The following DIS3L2 variants were observed in gnomAD, a reference collection of about 807,000 sequenced individuals.
DIS3L2 encodes DIS3 like 3'-5' exoribonuclease 2, also known as DIS3-like exonuclease 2.
Under a neutral mutation model 97.5 loss-of-function variants are expected in DIS3L2, and 34 were observed. The observed-to-expected ratio is 0.35, with a 90% CI of 0.27 to 0.46. The LOEUF (loss-of-function observed/expected upper bound fraction) is 0.46, where lower values mean the gene tolerates loss of function less well. Ranked by LOEUF, DIS3L2 falls within the 20% of genes least tolerant of loss-of-function variation. The pLI, the probability that DIS3L2 is intolerant of heterozygous loss-of-function variation, is 1.00. For synonymous variants in DIS3L2, 435 were observed against 445.2 expected, an observed-to-expected ratio of 0.98 and a Z score of 0.29; for missense variants, 1,038 against 1,146.0, an observed-to-expected ratio of 0.91 and a Z score of 1.36.
At chr2:232,010,885 C>A (rs567237149) in intron 1 of DIS3L2, among the ~76,000 whole-genome samples, 1 of 152,220 alleles carries the variant, frequency 6.6e-6, no homozygotes, top group Non-Finnish European at 1.5e-5. Context: ...TTGTTGTAAC[C>A]TGACTTCTGT....
At position 232,330,754 on chromosome 2, in the gene DIS3L2, A is replaced by C. The variant is rs1476116348; in HGVS notation, c.1988A>C (p.Asn663Thr). ...YSLARKEVLTNMCSRPMQMAL... is the reference protein window; with the variant it reads ...YSLARKEVLTTMCSRPMQMAL... ...CTGGCCCGCAAGGAGGTGCTCACCA[A>C]CATGTGCTCCCGGCCCATGCAGGTA... The change falls in exon 16 of 21, where the codon AAC (asparagine) becomes ACC (threonine). Residue 663 changes from asparagine to threonine, a missense_variant. Physicochemically the swap from Asn to Thr is moderately conservative, Grantham distance 65 (BLOSUM62 0). Coordinates refer to ENST00000325385, the MANE Select transcript of DIS3L2 (RefSeq NM_152383.5). 2 of 1,612,566 alleles carry C rather than the reference A, an allele frequency of 1.2e-6. No individual in the cohort carries two copies. The highest frequency in any genetic ancestry group is 1.7e-6 in the Non-Finnish European group (2 of 1,180,014).
intron 3 of DIS3L2, among the ~76,000 whole-genome samples, chr2:232,021,907 A>T (rs1694529756): frequency 1.3e-5 from 2 of 152,166 alleles, no homozygotes; most frequent in South Asian, 4.1e-4. Context: ...GGTTTCAATT[A>T]AGGCGAAGAA....
At chr2:232,267,239 A>G (rs1268111004) in intron 13 of DIS3L2, among the ~76,000 whole-genome samples, 1 of 152,220 alleles carries the variant, frequency 6.6e-6, no homozygotes, top group Non-Finnish European at 1.5e-5. Context: ...ATATGTATAT[A>G]CTAGTTCATA....
Position 232,233,731 on chromosome 2 carries a change from T to A in DIS3L2, c.1205-4802T>A, listed in dbSNP as rs761930179. On this transcript the variant is annotated intron_variant, in intron 10 of 20. Transcript: ENST00000325385. ...TAGGTGGCCACCCTGGTTGTGCTCA[T>A]TCCTGGCACAGGCCTCTTGAGTCGT... Among the ~76,000 whole-genome samples the A allele has an allele frequency of 1.3e-4, 20 of 152,348 alleles. No homozygotes were observed. The South Asian group carries it at 1.5e-3, about 11-fold the overall frequency.
intron 10 of DIS3L2, among the ~76,000 whole-genome samples, chr2:232,220,773 A>G (rs1001851643): frequency 1.3e-5 from 2 of 152,116 alleles, no homozygotes; most frequent in Non-Finnish European, 2.9e-5. Flanking sequence ...TAGCAGATAG[A>G]TCTTAATGCC....
chr2:231,999,216 A>T (rs920358754), intron 1 of DIS3L2, among the ~76,000 whole-genome samples: 3 of 151,916 alleles, frequency 2.0e-5, no homozygotes, highest in African/African-American at 7.3e-5. Context: ...TAGTTTGCCA[A>T]CCCCTCTTCT....
In DIS3L2 at chr2:232,310,892, C is replaced by T. The variant is rs528535059; in HGVS notation, c.1739+10773C>T. Among the ~76,000 whole-genome samples, 8 of 152,364 alleles carry T rather than the reference C, an allele frequency of 5.3e-5. 1 individual carries two copies. Among genetic ancestry groups the T allele is most frequent in the Non-Finnish European group, 4.4e-5 (3 of 68,032 alleles). On this transcript the variant is annotated intron_variant, in intron 14 of 20. Coordinates refer to ENST00000325385, the MANE Select transcript of DIS3L2 (RefSeq NM_152383.5). ...CCATCTCCTCTGGAGTCACAGTCACCCAGTCTCCTCCACATGGAATCTGAA... is the reference window on the plus strand; with the variant it reads ...CCATCTCCTCTGGAGTCACAGTCACTCAGTCTCCTCCACATGGAATCTGAA...
At chr2:232,161,635 T>G (rs1002111266) in intron 8 of DIS3L2, among the ~76,000 whole-genome samples, 1 of 152,134 alleles carries the variant, frequency 6.6e-6, no homozygotes, top group African/African-American at 2.4e-5. Context: ...CACACCCAGC[T>G]AAGTTTTGTA....
chr2:232,283,667 C>G (rs1200544037), intron 13 of DIS3L2, among the ~76,000 whole-genome samples: 2 of 152,100 alleles, frequency 1.3e-5, no homozygotes, highest in Non-Finnish European at 2.9e-5. Flanking sequence ...AAGTCCTGAC[C>G]TTAGGATTAT....
At chr2:232,208,217 G>C (rs1469434533) in intron 9 of DIS3L2, among the ~76,000 whole-genome samples, 1 of 151,992 alleles carries the variant, frequency 6.6e-6, no homozygotes, top group East Asian at 1.9e-4. Context: ...GGCAACCACT[G>C]ATCTGCTCTC....
intron 11 of DIS3L2, among the ~76,000 whole-genome samples, chr2:232,242,232 G>A (rs1478084488): frequency 6.6e-6 from 1 of 152,244 alleles, no homozygotes; most frequent in Non-Finnish European, 1.5e-5. Flanking sequence ...TAAGTAGGGA[G>A]CTAGCTGAGT....
At chr2:232,125,534 A>G (rs529566616) in intron 6 of DIS3L2, among the ~76,000 whole-genome samples, 16 of 152,324 alleles carry the variant, frequency 1.1e-4, no homozygotes, top group African/African-American at 3.4e-4. Context: ...TCCTCAGTGA[A>G]GCTGGAATAA....
intron 5 of DIS3L2, among the ~76,000 whole-genome samples, chr2:232,055,078 T>C (rs1280959636): frequency 2.6e-5 from 4 of 152,184 alleles, no homozygotes; most frequent in African/African-American, 4.8e-5. Flanking sequence ...GTACTAGTAA[T>C]AGAAGAAGAC....
At position 232,087,639 on chromosome 2, in the gene DIS3L2, C is replaced by T. The variant is rs143680532; in HGVS notation, c.519C>T (p.Ser173=). ...TTGTAGAGGCTCAGTTTGATGGCAG[C>T]GACTCAGAAGATGGACATGGCATCA... ...DVIVEAQFDG[S]DSEDGHGITQ... Residue 173 remains serine, a synonymous_variant, in exon 6 of 21, where the codon AGC becomes AGT. Transcript: ENST00000325385. The T allele has an allele frequency of 6.2e-5, 100 of 1,614,048 alleles. No homozygotes were observed. In the East Asian group the frequency reaches 1.9e-3, roughly 31 times the overall value.
chr2:232,213,661 G>GTTTTT (rs67846645), intron 10 of DIS3L2, among the ~76,000 whole-genome samples: 1,810 of 80,532 alleles, frequency 0.022, 61 homozygotes, highest in South Asian at 0.048. Flanking sequence ...ATCATCTGTA[G>GTTTTT]TTTTTTTTTT....
At chr2:232,237,810 G>A (rs1692974782) in intron 10 of DIS3L2, among the ~76,000 whole-genome samples, 1 of 152,084 alleles carries the variant, frequency 6.6e-6, no homozygotes, top group Non-Finnish European at 1.5e-5. Flanking sequence ...GGAAGATTTT[G>A]ATAGGCAGAT....
rs1171672385 is a variant in DIS3L2, at chr2:232,176,045, A to G, written c.1124+12413A>G. Among the ~76,000 whole-genome samples, 3 of 152,222 alleles carry G rather than the reference A, an allele frequency of 2.0e-5. No homozygotes were observed. In the East Asian group the frequency reaches 5.8e-4, roughly 29 times the overall value. On this transcript the variant is annotated intron_variant, in intron 9 of 20. Transcript: ENST00000325385. ...GCTGGAATTACAGGTGCCCACCACC[A>G]CATCTGGCTAGTTTTTTATATTCTT...
At chr2:232,313,190 C>T (rs1052977754) in intron 14 of DIS3L2, among the ~76,000 whole-genome samples, 1 of 152,026 alleles carries the variant, frequency 6.6e-6, no homozygotes, top group African/African-American at 2.4e-5. Flanking sequence ...GAGTTTTTAC[C>T]ACAAACTCAC....
chr2:232,194,391 C>T (rs1183594606), intron 9 of DIS3L2, among the ~76,000 whole-genome samples: 1 of 151,994 alleles, frequency 6.6e-6, no homozygotes, highest in African/African-American at 2.4e-5. Context: ...TACTGTGAAT[C>T]TACAAAAATC....
Sources: gnomAD v4.1 joint callset for allele counts (sites outside exome capture counted in the v4.1 genomes callset) on GRCh38, gnomAD v4.1.1 for gene constraint, MANE v1.5 for transcripts, NCBI Gene and HGNC (gene_info 2026-07-23, HGNC 2026-07-21) for gene names.